CSMD3: variants seen among roughly 807,000 people sequenced by gnomAD.
The protein encoded by CSMD3 is CUB and sushi domain-containing protein 3.
CSMD3 carries 177 observed loss-of-function variants against 435.2 expected under a neutral mutation model. That is an observed-to-expected ratio of 0.41 (90% CI 0.36 to 0.46). The LOEUF is 0.46. CSMD3 is among the 20% of genes least tolerant of loss of function. The pLI, the probability that CSMD3 is intolerant of heterozygous loss-of-function variation, is 0.34. For synonymous variants in CSMD3, 1,656 were observed against 1,520.5 expected, an observed-to-expected ratio of 1.09 and a Z score of -2.07; for missense variants, 4,265 against 4,504.6, an observed-to-expected ratio of 0.95 and a Z score of 1.52.
chr8:113,028,927 A>G (rs2086976692), intron 5 of CSMD3, among the ~76,000 whole-genome samples: 1 of 151,616 alleles, frequency 6.6e-6, no homozygotes, highest in South Asian at 2.1e-4. Context: ...ACTAAATGAC[A>G]GATTTTCAAT....
chr8:112,754,664 CAG>C (rs752307268), intron 13 of CSMD3, among the ~76,000 whole-genome samples: 7 of 152,116 alleles, frequency 4.6e-5, no homozygotes, highest in Non-Finnish European at 7.4e-5. Context: ...CCAAGAATAA[CAG>C]GGAATTTGCT....
chr8:113,284,774 G>GT (rs1201360462), intron 2 of CSMD3, among the ~76,000 whole-genome samples: 1 of 152,090 alleles, frequency 6.6e-6, no homozygotes, highest in African/African-American at 2.4e-5. Flanking sequence ...GTAAAATTTA[G>GT]TTTTTTGCAT....
At chr8:112,889,523 T>C (rs1263711475) in intron 10 of CSMD3, among the ~76,000 whole-genome samples, 1 of 151,704 alleles carries the variant, frequency 6.6e-6, no homozygotes, top group Non-Finnish European at 1.5e-5. Flanking sequence ...TGCCCAAGTA[T>C]TTCCAGGCAG....
chr8:112,895,686 A>G (rs1455202311), intron 10 of CSMD3, among the ~76,000 whole-genome samples: 8 of 151,406 alleles, frequency 5.3e-5, no homozygotes, highest in Non-Finnish European at 1.0e-4. Flanking sequence ...TTTCAAGAAA[A>G]GGAGCAACTT....
intron 45 of CSMD3, among the ~76,000 whole-genome samples, chr8:112,330,511 G>A (rs531469121): frequency 1.4e-4 from 21 of 152,040 alleles, no homozygotes; most frequent in East Asian, 3.9e-4. Context: ...TACTCTAGTC[G>A]CCTGGTTATT....
intron 17 of CSMD3, among the ~76,000 whole-genome samples, chr8:112,665,861 G>C (rs1052286227): frequency 1.3e-5 from 2 of 152,078 alleles, no homozygotes; most frequent in Admixed American, 6.6e-5. Context: ...AGGACTTATA[G>C]GTGAAAGCAT....
intron 61 of CSMD3, among the ~76,000 whole-genome samples, chr8:112,263,137 TAAA>T (rs58022386): frequency 0.19 from 26,729 of 137,944 alleles, 2,785 homozygotes; most frequent in Middle Eastern, 0.37. Flanking sequence ...GCAACCTCTG[TAAA>T]AAAAAAAAAA....
At chr8:113,291,458 A>G (rs1233763582) in intron 2 of CSMD3, among the ~76,000 whole-genome samples, 1 of 151,946 alleles carries the variant, frequency 6.6e-6, no homozygotes, top group Non-Finnish European at 1.5e-5. Flanking sequence ...TGTTTCTTTG[A>G]AAAGCTAATA....
chr8:112,721,508 G>A (rs573815319), intron 13 of CSMD3, among the ~76,000 whole-genome samples: 13 of 152,182 alleles, frequency 8.5e-5, no homozygotes, highest in Admixed American at 7.2e-4. Flanking sequence ...CCCGGAAGGC[G>A]GAGTTTGCAG....
chr8:112,414,802 C>T (rs1811729623), intron 32 of CSMD3, among the ~76,000 whole-genome samples: 1 of 152,140 alleles, frequency 6.6e-6, no homozygotes, highest in South Asian at 2.1e-4. Flanking sequence ...AGATGAGAAA[C>T]TTGTTGAGAA....
rs150956592 is a variant in CSMD3, at chr8:112,919,879, T to C, written c.1633+1748A>G. On this transcript the variant is annotated intron_variant, in intron 10 of 70. Coordinates refer to ENST00000297405, the MANE Select transcript of CSMD3 (RefSeq NM_198123.2). ...TGCTTCTTTCTAAGCTATAAAAAAG[T>C]GTGCCTTTCTCGTATCATAGGAATA... Among the ~76,000 whole-genome samples the C allele has an allele frequency of 4.8e-3, 729 of 151,994 alleles. 8 individuals carry two copies. In the Middle Eastern group the frequency reaches 0.085, roughly 18 times the overall value.
intron 38 of CSMD3, among the ~76,000 whole-genome samples, chr8:112,368,930 T>C (rs944225151): frequency 6.6e-6 from 1 of 152,200 alleles, no homozygotes; most frequent in Non-Finnish European, 1.5e-5. Context: ...TGACATATAC[T>C]GAGTACTTGA....
intron 57 of CSMD3, among the ~76,000 whole-genome samples, chr8:112,288,275 C>CG (rs1246350326): frequency 5.2e-5 from 2 of 38,822 alleles, no homozygotes; most frequent in African/African-American, 1.1e-4. Flanking sequence ...GGGGTGGGGG[C>CG]GGGGGGTGAG....
At chr8:112,756,692 A>G (rs2077706532) in intron 13 of CSMD3, among the ~76,000 whole-genome samples, 1 of 152,088 alleles carries the variant, frequency 6.6e-6, no homozygotes, top group Admixed American at 6.5e-5. Flanking sequence ...AGAATGAAAA[A>G]TGCGGTTTGT....
intron 11 of CSMD3, among the ~76,000 whole-genome samples, chr8:112,850,452 A>G (rs761723282): frequency 1.3e-5 from 2 of 152,204 alleles, no homozygotes; most frequent in African/African-American, 2.4e-5. Flanking sequence ...TCTGTAGCTA[A>G]CTCATGGTTA....
intron 3 of CSMD3, among the ~76,000 whole-genome samples, chr8:113,203,721 G>T (rs1022013397): frequency 6.6e-6 from 1 of 151,824 alleles, no homozygotes; most frequent in Non-Finnish European, 1.5e-5. Context: ...AACATTTTTT[G>T]ACTTTTTTAT....
intron 22 of CSMD3, among the ~76,000 whole-genome samples, chr8:112,603,968 T>A (rs1192926452): frequency 6.6e-6 from 1 of 152,150 alleles, no homozygotes; most frequent in Non-Finnish European, 1.5e-5. Context: ...ATTATGTAAA[T>A]CTAGTCACTT....
intron 3 of CSMD3, among the ~76,000 whole-genome samples, chr8:113,178,990 T>C (rs1216763162): frequency 6.6e-6 from 1 of 151,884 alleles, no homozygotes; most frequent in East Asian, 1.9e-4. Flanking sequence ...ATAATTAAAA[T>C]ACATTCTATA....
chr8:112,464,114 T>C (rs1476933223), intron 32 of CSMD3, among the ~76,000 whole-genome samples: 1 of 151,928 alleles, frequency 6.6e-6, no homozygotes. Context: ...GGCAGGCACC[T>C]GTAGTCCCAG....
Sources: gnomAD v4.1 joint callset for allele counts (sites outside exome capture counted in the v4.1 genomes callset) on GRCh38, gnomAD v4.1.1 for gene constraint, MANE v1.5 for transcripts, NCBI Gene and HGNC (gene_info 2026-07-23, HGNC 2026-07-21) for gene names.